Variants in UBN2 observed in about 807,000 individuals in gnomAD.
UBN2 encodes the protein ubinuclein 2.
A neutral mutation model predicts 120.2 loss-of-function variants in UBN2; 35 were observed. The observed-to-expected ratio is 0.29, with a 90% confidence interval of 0.22 to 0.39. The LOEUF (loss-of-function observed/expected upper bound fraction) is 0.39, where lower values mean the gene tolerates loss of function less well. Ranked by LOEUF, UBN2 falls within the 10% of genes least tolerant of loss-of-function variation. The probability of loss-of-function intolerance (pLI) is 1.00; values close to 1 mark genes in which losing one functional copy is unlikely to be tolerated. For synonymous variants in UBN2, 661 were observed against 648.7 expected (o/e 1.02, Z -0.29); for missense variants, 1,693 against 1,663.2 (o/e 1.02, Z -0.31).
At position 139,301,538 on chromosome 7, in the gene UBN2, T is replaced by A. The variant is rs1227572869; in HGVS notation, c.*3702T>A. On this transcript the variant is annotated 3_prime_UTR_variant, in exon 18 of 18. Transcript: ENST00000473989. ...ATGAACTTTGCCTGTATTGGTTGAC[T>A]TTAATTTACAGTTCTTTATTTCTAG... The A allele has an allele frequency of 2.0e-5, 3 of 152,224 alleles. No homozygotes were observed. The highest frequency in any genetic ancestry group is 4.4e-5 in the Non-Finnish European group (3 of 68,036). 9.4% of individuals were successfully genotyped at this position (152,224 alleles called of 1,614,324 possible). A position where few individuals can be genotyped will look rare whatever the true frequency, so the allele number is the denominator to read the frequency against.
chr7:139,315,086 C>T, the UBN2 span, among the ~76,000 whole-genome samples: 1 of 152,004 alleles, frequency 6.6e-6, no homozygotes, highest in South Asian at 2.1e-4. Flanking sequence ...CGCCAATCTC[C>T]TGCCTCAGCC....
chr7:139,263,785 T>C (rs892081342), intron 6 of UBN2, among the ~76,000 whole-genome samples: 1 of 140,232 alleles, frequency 7.1e-6, no homozygotes, highest in Non-Finnish European at 1.5e-5. Context: ...AAAAAAAAAA[T>C]AGGAATACGT....
At chr7:139,239,293 C>G (rs1395449292) in intron 2 of UBN2, among the ~76,000 whole-genome samples, 1 of 151,960 alleles carries the variant, frequency 6.6e-6, no homozygotes, top group African/African-American at 2.4e-5. Context: ...TTTTTTAAGG[C>G]TGCATGCTGT....
chr7:139,272,518 G>A, intron 9 of UBN2, 78 bp downstream of exon 9: 3 of 813,130 alleles, frequency 3.7e-6, no homozygotes, highest in Non-Finnish European at 5.7e-6. Flanking sequence ...ATGTATGTAT[G>A]TATGTATGTA....
At chr7:139,328,176 C>G in the UBN2 span, among the ~76,000 whole-genome samples, 5 of 152,172 alleles carry the variant, frequency 3.3e-5, no homozygotes, top group Admixed American at 3.3e-4. Flanking sequence ...AAGAATAGAG[C>G]TTTAATTGAT....
At chr7:139,311,743 GT>G (rs1798451385), downstream of UBN2, among the ~76,000 whole-genome samples, 1 of 152,210 alleles carries the variant, frequency 6.6e-6, no homozygotes, top group African/African-American at 2.4e-5. Flanking sequence ...ATCTGGTGTA[GT>G]TATTGCTTAA....
chr7:139,248,715 G>A (rs1437166226), intron 2 of UBN2, among the ~76,000 whole-genome samples: 1 of 151,928 alleles, frequency 6.6e-6, no homozygotes, highest in Non-Finnish European at 1.5e-5. Context: ...TTTGTCTGTG[G>A]ATTTTTATAT....
At chr7:139,316,503 C>T in the UBN2 span, among the ~76,000 whole-genome samples, 3 of 152,130 alleles carry the variant, frequency 2.0e-5, no homozygotes, top group Non-Finnish European at 4.4e-5. Context: ...CACGGTGGCT[C>T]ACGCCTGTAA....
At chr7:139,326,844 T>C in the UBN2 span, among the ~76,000 whole-genome samples, 1 of 152,022 alleles carries the variant, frequency 6.6e-6, no homozygotes, top group Non-Finnish European at 1.5e-5. Context: ...CCAGGGCCAC[T>C]GTGTCACCAC....
Position 139,283,764 on chromosome 7 carries a change from C to T in UBN2, c.2859C>T (p.Asn953=). 3 of 1,613,848 alleles carry T rather than the reference C, an allele frequency of 1.9e-6. No individual in the cohort carries two copies. The highest frequency in any genetic ancestry group is 1.1e-5 in the South Asian group (1 of 91,084). The change falls in exon 15 of 18, where the codon AAC becomes AAT. Residue 953 remains asparagine, a synonymous_variant. Transcript: ENST00000473989. ...LQATISKSQT[N]PVVKLSNNPQ... ...CCACCATCAGTAAATCCCAGACCAACCCCGTCGTGAAGTTAAGTAATAATC... is the reference window on the plus strand; with the variant it reads ...CCACCATCAGTAAATCCCAGACCAATCCCGTCGTGAAGTTAAGTAATAATC...
In UBN2 at chr7:139,297,904, T is replaced by G; in HGVS notation, c.*68T>G. The stretch of plus-strand genomic sequence containing the variant: ...GGAATCTACCTGATGGGAAAGTACT[T>G]ATGTGGTCATAGGGCTGCTGTTTCT... On this transcript the variant is annotated 3_prime_UTR_variant, in exon 18 of 18. Transcript: ENST00000473989. 2 of 1,529,726 alleles carry G rather than the reference T, an allele frequency of 1.3e-6. No individual in the cohort carries two copies. Among genetic ancestry groups the G allele is most frequent in the Non-Finnish European group, 9.1e-7 (1 of 1,104,262 alleles). 94.8% of individuals were successfully genotyped at this position (1,529,726 alleles called of 1,614,324 possible).
chr7:139,287,860 A>G (rs977352382), intron 15 of UBN2, among the ~76,000 whole-genome samples: 1 of 152,108 alleles, frequency 6.6e-6, no homozygotes, highest in African/African-American at 2.4e-5. Flanking sequence ...CAGAGTTCCT[A>G]TCTATGCCTG....
At position 139,261,499 on chromosome 7, in the gene UBN2, G is replaced by A; in HGVS notation, c.1153G>A (p.Val385Ile). ...CGGTGATCCAGACCTTCCCATTTTT[G>A]TTAGCACAAATGAACATGAGCTGTT... ...SSGDPDLPIF[V>I]STNEHELFQE... The change falls in exon 6 of 18, where the codon GTT becomes ATT. Residue 385 changes from valine to isoleucine, a missense_variant. Around this residue, in one of 5 missense-constraint regions of UBN2, gnomAD observed 663 missense variants for 591.2 expected, o/e 1.12. Coordinates refer to ENST00000473989, the MANE Select transcript of UBN2 (RefSeq NM_173569.4). The A allele has an allele frequency of 6.2e-7, 1 of 1,614,170 alleles. No individual in the cohort carries two copies. The highest frequency in any genetic ancestry group is 8.5e-7 in the Non-Finnish European group (1 of 1,180,016).
intron 8 of UBN2, 33 bp from the exon 9 acceptor site, chr7:139,272,289 T>A (rs80346298): frequency 2.6e-6 from 4 of 1,514,428 alleles, no homozygotes; most frequent in African/African-American, 1.4e-5. Context: ...TAAATATGTC[T>A]GATAAAAACT....
intron 5 of UBN2, among the ~76,000 whole-genome samples, chr7:139,260,569 A>G (rs1408214972): frequency 6.6e-6 from 1 of 152,156 alleles, no homozygotes; most frequent in Admixed American, 6.5e-5. Context: ...TGAGAGGCTG[A>G]ATTTTCTTAC....
At chr7:139,326,458 A>G in the UBN2 span, among the ~76,000 whole-genome samples, 2 of 152,156 alleles carry the variant, frequency 1.3e-5, no homozygotes, top group Non-Finnish European at 1.5e-5. Flanking sequence ...ATTTTTCCCC[A>G]TAGAACACAT....
intron 2 of UBN2, among the ~76,000 whole-genome samples, chr7:139,238,586 G>T (rs1796225955): frequency 6.6e-6 from 1 of 152,090 alleles, no homozygotes; most frequent in Non-Finnish European, 1.5e-5. Context: ...ACCATGCCTG[G>T]CTAATTTTTG....
At position 139,261,357 on chromosome 7, in the gene UBN2, A is replaced by G. The variant is rs1162794786; in HGVS notation, c.1011A>G (p.Ala337=). The G allele has an allele frequency of 1.2e-5, 20 of 1,614,232 alleles. No homozygotes were observed. The highest frequency in any genetic ancestry group is 1.5e-5 in the Non-Finnish European group (18 of 1,180,046). ...MIRKFQKEKD[A]LKKESNPKVP... ...GAAAATTCCAGAAAGAGAAGGATGC[A>G]TTAAAGAAGGAGTCTAACCCCAAAG... The change falls in exon 6 of 18, where the codon GCA becomes GCG. Residue 337 remains alanine, a synonymous_variant. Transcript: ENST00000473989.
chr7:139,269,687 T>C (rs1222008310), intron 8 of UBN2, among the ~76,000 whole-genome samples, 164 bp downstream of exon 8: 1 of 152,224 alleles, frequency 6.6e-6, no homozygotes, highest in African/African-American at 2.4e-5. Flanking sequence ...GAAAAATAAT[T>C]GCGTCTTCAA....
Sources: allele counts gnomAD v4.1 joint callset (sites outside exome capture counted in the v4.1 genomes callset), GRCh38; gene constraint gnomAD v4.1.1; regional missense constraint gnomAD v4.1.1; transcripts MANE v1.5; gene names NCBI Gene and HGNC (gene_info 2026-07-23, HGNC 2026-07-21).